Variants in ANO10 observed in about 807,000 individuals in gnomAD.
ANO10 encodes anoctamin-10.
A neutral mutation model predicts 74.7 loss-of-function variants in ANO10; 77 were observed. That is an observed-to-expected ratio of 1.03 (90% CI 0.86 to 1.25). The LOEUF is 1.25. Ranked by LOEUF, ANO10 falls within the 50% of genes most tolerant of loss-of-function variation. ANO10 has a pLI of 0.00. For missense variants in ANO10, 721 were observed against 778.1 expected, an observed-to-expected ratio of 0.93 and a Z score of 0.87; for synonymous variants, 279 against 284.9, an observed-to-expected ratio of 0.98 and a Z score of 0.21.
At chr3:43,476,405 G>T (rs2076067311) in intron 11 of ANO10, among the ~76,000 whole-genome samples, 1 of 152,090 alleles carries the variant, frequency 6.6e-6, no homozygotes, top group Non-Finnish European at 1.5e-5. Context: ...AATTAGTGGG[G>T]TCTGTAGTGG....
chr3:43,529,947 T>C (rs1404547765), intron 11 of ANO10, among the ~76,000 whole-genome samples: 1 of 152,142 alleles, frequency 6.6e-6, no homozygotes, highest in African/African-American at 2.4e-5. Flanking sequence ...TCTCAATTAA[T>C]GCAAATGAGC....
chr3:43,509,844 T>C (rs2077443717), intron 11 of ANO10, among the ~76,000 whole-genome samples: 1 of 152,182 alleles, frequency 6.6e-6, no homozygotes, highest in African/African-American at 2.4e-5. Flanking sequence ...GGTATATATA[T>C]ACCATAGATA....
chr3:43,551,414 T>A (rs9829081), intron 10 of ANO10: 7 of 432,364 alleles, frequency 1.6e-5, no homozygotes, highest in Non-Finnish European at 2.8e-5. Flanking sequence ...AATTTACATA[T>A]AATAAACTGC....
At chr3:43,435,994 C>T (rs1374819024) in intron 11 of ANO10, among the ~76,000 whole-genome samples, 3 of 152,118 alleles carry the variant, frequency 2.0e-5, no homozygotes, top group Admixed American at 1.3e-4. Context: ...TCTCTATGGT[C>T]AGGAAAGGAT....
rs566605906 is a variant in ANO10, at chr3:43,562,595, C to T, written c.1294-1193G>A. Among the ~76,000 whole-genome samples, 94 of 150,542 alleles carry T rather than the reference C, an allele frequency of 6.2e-4. 4 individuals carry two copies. The South Asian group carries it at 0.018, about 29-fold the overall frequency. On this transcript the variant is annotated intron_variant, in intron 8 of 12. Transcript: ENST00000292246. ...ACTTGGGAGGCTGAGGTACAAGAAA[C>T]GCTTGAACCTAGGAGGTAGAGGCTG...
intron 10 of ANO10, among the ~76,000 whole-genome samples, chr3:43,554,772 G>A (rs2079655909): frequency 1.3e-5 from 2 of 152,242 alleles, no homozygotes; most frequent in Admixed American, 6.5e-5. Context: ...AAGGACAGGT[G>A]CCTCATATAT....
intron 1 of ANO10, among the ~76,000 whole-genome samples, chr3:43,606,795 C>T (rs1346547931): frequency 1.3e-5 from 2 of 152,070 alleles, no homozygotes; most frequent in African/African-American, 4.8e-5. Context: ...CAAAGTGACA[C>T]ATTAACTATG....
At chr3:43,657,022 GTGAACA>G (rs2083865196) in intron 1 of ANO10, among the ~76,000 whole-genome samples, 2 of 152,248 alleles carry the variant, frequency 1.3e-5, no homozygotes, top group African/African-American at 4.8e-5. Context: ...GTGTTTTCTT[GTGAACA>G]AAAACTTTAG....
intron 4 of ANO10, among the ~76,000 whole-genome samples, chr3:43,595,210 C>T (rs2082015417): frequency 6.6e-6 from 1 of 152,192 alleles, no homozygotes. Context: ...ACCATTCCTT[C>T]TGAAACTATT....
chr3:43,545,305 T>C (rs2079134834), intron 11 of ANO10, among the ~76,000 whole-genome samples: 1 of 152,180 alleles, frequency 6.6e-6, no homozygotes, highest in Non-Finnish European at 1.5e-5. Flanking sequence ...GAAAAGATTT[T>C]CAGATAAAAG....
chr3:43,681,952 C>T (rs1441807076), intron 1 of ANO10, among the ~76,000 whole-genome samples: 2 of 152,130 alleles, frequency 1.3e-5, no homozygotes, highest in African/African-American at 2.4e-5. Flanking sequence ...AAATTTATAG[C>T]ACTAAATGCC....
upstream of ANO10, among the ~76,000 whole-genome samples, chr3:43,625,615 G>A (rs1002618579): frequency 3.3e-5 from 5 of 152,122 alleles, no homozygotes; most frequent in Admixed American, 2.0e-4. Flanking sequence ...GAGTGAGTTC[G>A]AGAGCATCTT....
At chr3:43,494,721 A>C (rs1046401653) in intron 11 of ANO10, among the ~76,000 whole-genome samples, 1 of 152,148 alleles carries the variant, frequency 6.6e-6, no homozygotes, top group South Asian at 2.1e-4. Context: ...AAAAACAAGG[A>C]AAGTACAGAG....
Position 43,405,088 on chromosome 3 carries a change from C to T in ANO10, c.1914+27523G>A, listed in dbSNP as rs547131579. Among the ~76,000 whole-genome samples, 10 of 152,244 alleles carry T rather than the reference C, an allele frequency of 6.6e-5. No individual in the cohort carries two copies. The South Asian group carries it at 8.3e-4, about 13-fold the overall frequency. The stretch of plus-strand genomic sequence containing the variant: ...TTTAGAAAATGTTTAAGATCTGCAC[C>T]GTAATTTTCATTGGCAAGTTGATCT... On this transcript the variant is annotated intron_variant, in intron 12 of 12. Transcript: ENST00000292246.
intron 12 of ANO10, among the ~76,000 whole-genome samples, chr3:43,383,858 C>A (rs981734219): frequency 6.6e-6 from 1 of 152,162 alleles, no homozygotes; most frequent in Non-Finnish European, 1.5e-5. Flanking sequence ...ACCCCTGGAA[C>A]AAGACAAGGA....
intron 12 of ANO10, among the ~76,000 whole-genome samples, chr3:43,401,681 A>T (rs187665492): frequency 1.3e-5 from 2 of 152,358 alleles, no homozygotes; most frequent in Admixed American, 6.5e-5. Context: ...TTCTTTTGTT[A>T]TAATTATAGA....
chr3:43,398,626 A>G (rs1038917064), intron 12 of ANO10, among the ~76,000 whole-genome samples: 1 of 152,214 alleles, frequency 6.6e-6, no homozygotes, highest in Non-Finnish European at 1.5e-5. Context: ...GCAGTCTGCA[A>G]AGACAGAGAC....
intron 12 of ANO10, among the ~76,000 whole-genome samples, chr3:43,410,778 A>C (rs1032896302): frequency 6.6e-6 from 1 of 152,170 alleles, no homozygotes; most frequent in Admixed American, 6.5e-5. Flanking sequence ...CTGAACACTC[A>C]GAAAATCCAT....
At chr3:43,498,676 T>C (rs770621729) in intron 11 of ANO10, among the ~76,000 whole-genome samples, 2 of 152,224 alleles carry the variant, frequency 1.3e-5, no homozygotes, top group Non-Finnish European at 2.9e-5. Context: ...ATAGCTGAGA[T>C]TTACTGATGC....
Sources: allele counts gnomAD v4.1 joint callset (sites outside exome capture counted in the v4.1 genomes callset), GRCh38; gene constraint gnomAD v4.1.1; transcripts MANE v1.5; gene names NCBI Gene and HGNC (gene_info 2026-07-23, HGNC 2026-07-21).